The following NCAM1 variants were observed in gnomAD, a reference collection of about 807,000 sequenced individuals.
The protein encoded by NCAM1 is neural cell adhesion molecule 1.
In NCAM1, 14 loss-of-function variants were observed where a neutral mutation model predicts 109.8. The observed-to-expected ratio is 0.13, with a 90% confidence interval of 0.08 to 0.20. NCAM1 has a LOEUF of 0.20. NCAM1 is among the 10% of genes least tolerant of loss of function. NCAM1 has a pLI of 1.00. For missense variants in NCAM1, 774 were observed against 1,109.9 expected, an observed-to-expected ratio of 0.70 and a Z score of 4.30; for synonymous variants, 418 against 442.9, an observed-to-expected ratio of 0.94 and a Z score of 0.70.
chr11:113,264,108 T>C, intron 17 of NCAM1: 1 of 985,366 alleles, frequency 1.0e-6, no homozygotes, highest in East Asian at 1.1e-4. Context: ...GTGTGTGTGC[T>C]TGGGGATGGA....
intron 1 of NCAM1, among the ~76,000 whole-genome samples, chr11:113,167,048 T>C (rs1435962196): frequency 6.6e-6 from 1 of 152,170 alleles, no homozygotes; most frequent in Non-Finnish European, 1.5e-5. Flanking sequence ...GGCTGCTGTA[T>C]TGATAAACGT....
At chr11:113,135,116 G>A (rs1050025579) in intron 1 of NCAM1, among the ~76,000 whole-genome samples, 1 of 152,144 alleles carries the variant, frequency 6.6e-6, no homozygotes, top group African/African-American at 2.4e-5. Flanking sequence ...GGAAAGGGTG[G>A]GAGCTAAGGA....
intron 19 of NCAM1, chr11:113,272,976 T>A (rs1555125786): frequency 2.2e-6 from 1 of 456,816 alleles, no homozygotes; most frequent in Non-Finnish European, 4.4e-6. Context: ...CATGCTGCCT[T>A]CTGTCACCAC....
intron 1 of NCAM1, among the ~76,000 whole-genome samples, chr11:113,046,674 C>T (rs1027248685): frequency 1.3e-4 from 19 of 150,118 alleles, no homozygotes; most frequent in African/African-American, 2.7e-4. Context: ...AGATGGATAG[C>T]GAGATGGATG....
intron 10 of NCAM1, 28 bp downstream of exon 10, chr11:113,231,823 G>T: frequency 4.3e-6 from 7 of 1,613,404 alleles, no homozygotes; most frequent in Non-Finnish European, 2.5e-6. Flanking sequence ...AAGGACCTGG[G>T]GGAGGGAGGG....
intron 1 of NCAM1, among the ~76,000 whole-genome samples, chr11:113,053,204 A>G (rs1365370681): frequency 1.3e-5 from 2 of 152,196 alleles, no homozygotes; most frequent in Non-Finnish European, 2.9e-5. Flanking sequence ...AATGGCTTCC[A>G]GCTCCATTCA....
At chr11:113,190,142 G>C (rs1205507524) in intron 1 of NCAM1, among the ~76,000 whole-genome samples, 1 of 152,134 alleles carries the variant, frequency 6.6e-6, no homozygotes, top group Non-Finnish European at 1.5e-5. Flanking sequence ...CAGAAAAAAT[G>C]GATAGCAACC....
intron 9 of NCAM1, among the ~76,000 whole-genome samples, chr11:113,229,625 C>T (rs1944944245): frequency 6.6e-6 from 1 of 152,236 alleles, no homozygotes; most frequent in African/African-American, 2.4e-5. Context: ...TATAAAGACA[C>T]ATGCACACGT....
At chr11:113,259,573 T>C (rs886701270) in intron 16 of NCAM1, among the ~76,000 whole-genome samples, 6 of 152,218 alleles carry the variant, frequency 3.9e-5, no homozygotes, top group Non-Finnish European at 8.8e-5. Flanking sequence ...TGATGGGACC[T>C]TGACGGTGTT....
intron 1 of NCAM1, among the ~76,000 whole-genome samples, chr11:113,161,714 C>G (rs955687944): frequency 6.6e-6 from 1 of 152,154 alleles, no homozygotes; most frequent in Admixed American, 6.5e-5. Flanking sequence ...AAAAGAAACT[C>G]TTGTTGATTT....
chr11:113,099,366 GTAGA>G (rs1421050494), intron 1 of NCAM1, among the ~76,000 whole-genome samples: 2 of 152,196 alleles, frequency 1.3e-5, no homozygotes, highest in Non-Finnish European at 2.9e-5. Flanking sequence ...CTGCTGGGAA[GTAGA>G]TAGGGTACCC....
rs542358848 is a variant in NCAM1 at position 113,213,582 on chromosome 11, G to A, written c.917-787G>A. Among the ~76,000 whole-genome samples the A allele has an allele frequency of 7.9e-5, 12 of 152,162 alleles. No individual in the cohort carries two copies. In the East Asian group the frequency reaches 2.3e-3, roughly 29 times the overall value. ...AGTCGTTGAGACTCCAAGTCACCTG[G>A]ACTCCTTCTTATTGCTTCTTTTGGT... is the stretch of plus-strand genomic sequence containing the variant. On this transcript the variant is annotated intron_variant, in intron 7 of 19. Transcript: ENST00000316851.
At chr11:113,079,745 G>A (rs1555086830) in intron 1 of NCAM1, among the ~76,000 whole-genome samples, 2 of 152,166 alleles carry the variant, frequency 1.3e-5, no homozygotes, top group African/African-American at 4.8e-5. Context: ...AACTCAATCA[G>A]CCAGTCTAGT....
At position 113,233,291 on chromosome 11, in the gene NCAM1, A is replaced by G. The variant is rs1555117670; in HGVS notation, c.1667A>G (p.His556Arg). 2 of 1,613,454 alleles carry G rather than the reference A, an allele frequency of 1.2e-6. No individual in the cohort carries two copies. Among genetic ancestry groups the G allele is most frequent in the African/African-American group, 2.7e-5 (2 of 74,924 alleles). Reference protein sequence around the residue: ...EWRAVGEEVWHSKWYDAKEAS... With the variant: ...EWRAVGEEVWRSKWYDAKEAS... ...AGAGCAGTTGGTGAAGAAGTATGGCATTCCAAGTGGTATGATGCCAAGGAA... is the reference window on the plus strand; with the variant it reads ...AGAGCAGTTGGTGAAGAAGTATGGCGTTCCAAGTGGTATGATGCCAAGGAA... The change falls in exon 13 of 20, where the codon CAT (histidine) becomes CGT (arginine). Residue 556 changes from histidine to arginine, a missense_variant. Transcript: ENST00000316851. This position sits in a 1 kb window ranked among gnomAD's most constrained non-coding sequence, Gnocchi z 4.5.
chr11:113,257,065 C>T (rs1195992900), intron 16 of NCAM1, among the ~76,000 whole-genome samples: 1 of 152,198 alleles, frequency 6.6e-6, no homozygotes, highest in Non-Finnish European at 1.5e-5. Context: ...GCCTTGTTCC[C>T]ACTTAATTTG....
chr11:113,108,285 A>G (rs11214490), intron 1 of NCAM1, among the ~76,000 whole-genome samples: 10,912 of 152,228 alleles, frequency 0.072, 750 homozygotes, highest in Admixed American at 0.17. Flanking sequence ...ACATCAGGAA[A>G]TCAGTGAATG....
At chr11:113,098,043 A>G (rs1432749501) in intron 1 of NCAM1, among the ~76,000 whole-genome samples, 1 of 152,228 alleles carries the variant, frequency 6.6e-6, no homozygotes, top group African/African-American at 2.4e-5. Flanking sequence ...TCTAATATTC[A>G]TGCATTGTCA....
intron 1 of NCAM1, among the ~76,000 whole-genome samples, chr11:113,055,357 T>C (rs1565408640): frequency 6.6e-6 from 1 of 152,128 alleles, no homozygotes; most frequent in Non-Finnish European, 1.5e-5. Context: ...ATAATGAAGC[T>C]CAGAGGAATG....
At chr11:113,152,855 A>G (rs1942271353) in intron 1 of NCAM1, among the ~76,000 whole-genome samples, 1 of 152,082 alleles carries the variant, frequency 6.6e-6, no homozygotes, top group East Asian at 1.9e-4. Context: ...TTACTCAGTT[A>G]TCTCATTGGC....
Sources: allele counts gnomAD v4.1 joint callset (sites outside exome capture counted in the v4.1 genomes callset), GRCh38; gene constraint gnomAD v4.1.1; non-coding constraint Gnocchi (gnomAD v3.1); transcripts MANE v1.5; gene names NCBI Gene and HGNC (gene_info 2026-07-23, HGNC 2026-07-21).